ZNF765: variants seen among roughly 807,000 people sequenced by gnomAD.
ZNF765 encodes the protein zinc finger protein 765.
A neutral mutation model predicts 44.7 loss-of-function variants in ZNF765; 37 were observed. The observed-to-expected ratio is 0.83, with a 90% CI of 0.64 to 1.09. The LOEUF (loss-of-function observed/expected upper bound fraction) is 1.09. Ranked by LOEUF, ZNF765 falls within the 50% of genes least tolerant of loss-of-function variation. The pLI, the probability that ZNF765 is intolerant of heterozygous loss-of-function variation, is 0.00. For synonymous variants in ZNF765, 201 were observed against 213.7 expected, an observed-to-expected ratio of 0.94 and a Z score of 0.52; for missense variants, 594 against 626.1, an observed-to-expected ratio of 0.95 and a Z score of 0.55.
chr19:53,396,246 AT>A (rs1568772108), intron 1 of ZNF765, among the ~76,000 whole-genome samples: 1 of 151,402 alleles, frequency 6.6e-6, no homozygotes, highest in African/African-American at 2.4e-5. Flanking sequence ...GAGAGTGGGG[AT>A]GAGGGTATAA....
In ZNF765 at chr19:53,409,350, C is replaced by A; in HGVS notation, c.*223C>A. 2.4e-6 allele frequency: 2 copies of A among 839,366 alleles called. No individual in the cohort carries two copies. Among genetic ancestry groups the A allele is most frequent in the Admixed American group, 1.8e-5 (1 of 55,494 alleles). The allele number at this position is 839,366 out of a possible 1,614,324, so 52.0% of individuals were successfully genotyped here. A position where few individuals can be genotyped will look rare whatever the true frequency, so the allele number is the denominator to read the frequency against. On this transcript the variant is annotated 3_prime_UTR_variant, in exon 4 of 4. Transcript: ENST00000396408. ...ATCTTTTGTGTACCATCATAAACTT[C>A]ATAGTGGAGAGACCTTACAAATGTG...
At chr19:53,404,619 ATGTG>A (rs72178377) in intron 3 of ZNF765, among the ~76,000 whole-genome samples, 2 of 149,758 alleles carry the variant, frequency 1.3e-5, no homozygotes, top group Admixed American at 6.6e-5. Flanking sequence ...CACCTGGCTA[ATGTG>A]TGTGTGTGTG....
chr19:53,407,997 C>G lies in ZNF765; in HGVS notation c.442C>G (p.Leu148Val), dbSNP rs1325187460. 7.4e-6 allele frequency: 12 copies of G among 1,614,058 alleles called. No individual in the cohort carries two copies. The highest frequency in any genetic ancestry group is 1.0e-5 in the Non-Finnish European group (12 of 1,180,040). The change falls in exon 4 of 4, where the codon CTG (leucine) becomes GTG (valine). Residue 148 changes from leucine (L) to valine (V), a missense_variant. Leu to Val is a conservative substitution (Grantham distance 32, BLOSUM62 1). Coordinates refer to ENST00000396408, the MANE Select transcript of ZNF765 (RefSeq NM_001040185.3). Reference protein sequence around the residue: ...YQLGFSFHSHLPELHIFHTEE... With the variant: ...YQLGFSFHSHVPELHIFHTEE... ...GCTTGGATTCAGCTTTCATTCGCATCTGCCTGAACTGCACATATTTCACAC... is the reference window on the plus strand; with the variant it reads ...GCTTGGATTCAGCTTTCATTCGCATGTGCCTGAACTGCACATATTTCACAC...
At chr19:53,404,516 G>A (rs547837160) in intron 3 of ZNF765, among the ~76,000 whole-genome samples, 32 of 151,666 alleles carry the variant, frequency 2.1e-4, no homozygotes, top group African/African-American at 6.5e-4. Flanking sequence ...GCGGTGGTGC[G>A]ATCTTGGCTA....
chr19:53,408,207 A>C lies in ZNF765; in HGVS notation c.652A>C (p.Asn218His). 6.2e-7 allele frequency: 1 copy of C among 1,614,238 alleles called. No individual in the cohort carries two copies. Among genetic ancestry groups the C allele is most frequent in the Non-Finnish European group, 8.5e-7 (1 of 1,180,042 alleles). ...VHMREKSFQC[N>H]DSGKAYNCSS... ...TATGAGGGAAAAATCTTTCCAATGCAATGACAGTGGCAAAGCCTATAATTG... is the reference window on the plus strand; with the variant it reads ...TATGAGGGAAAAATCTTTCCAATGCCATGACAGTGGCAAAGCCTATAATTG... The change falls in exon 4 of 4, where the codon AAT becomes CAT. Residue 218 changes from asparagine (N) to histidine (H), a missense_variant. Asn to His is a moderately conservative substitution (Grantham distance 68). Around this residue, in one of 2 missense-constraint regions of ZNF765, gnomAD observed 567 missense variants for 572.6 expected, o/e 0.99. Transcript: ENST00000396408.
chr19:53,409,647 C>T lies in ZNF765; in HGVS notation c.*520C>T. On this transcript the variant is annotated 3_prime_UTR_variant, in exon 4 of 4. Coordinates refer to ENST00000396408, the MANE Select transcript of ZNF765 (RefSeq NM_001040185.3). ...TAATGAGTGTGGCAAGACCTTTAGT[C>T]AGAACTCATACCTTACACGCCATCG... The T allele has an allele frequency of 7.5e-7, 1 of 1,331,684 alleles. No individual in the cohort carries two copies. Among genetic ancestry groups the T allele is most frequent in the Non-Finnish European group, 1.1e-6 (1 of 926,894 alleles). The allele number at this position is 1,331,684 out of a possible 1,614,324, so 82.5% of individuals were successfully genotyped here.
At chr19:53,424,391 T>C (rs899857031) in exon 4 of ZNF765, 1 of 152,122 alleles carries the variant, frequency 6.6e-6, no homozygotes, top group Non-Finnish European at 1.5e-5. Flanking sequence ...GCAGAATCAC[T>C]TGAATCCAGG....
chr19:53,407,934 G>C lies in ZNF765; in HGVS notation c.379G>C (p.Asp127His). 6.2e-7 allele frequency: 1 copy of C among 1,614,142 alleles called. No individual in the cohort carries two copies. The highest frequency in any genetic ancestry group is 1.1e-5 in the South Asian group (1 of 91,080). Residue 127 changes from aspartate to histidine, a missense_variant, in exon 4 of 4, where the codon GAT (aspartate) becomes CAT (histidine). Around this residue, in one of 2 missense-constraint regions of ZNF765, gnomAD observed 567 missense variants for 572.6 expected, o/e 0.99. Transcript: ENST00000396408. ...GTTGACAGGTAGTACAGAGCGATAT[G>C]ATCAAAATTATGCTGGAAACAAGCC... ...KKLTGSTERY[D>H]QNYAGNKPVK...
At chr19:53,406,618 A>T (rs967731322) in intron 3 of ZNF765, among the ~76,000 whole-genome samples, 1 of 152,202 alleles carries the variant, frequency 6.6e-6, no homozygotes, top group African/African-American at 2.4e-5. Flanking sequence ...TCCACTAGTT[A>T]ATGTCACACA....
downstream of ZNF765, among the ~76,000 whole-genome samples, chr19:53,413,593 T>C (rs1339628140): frequency 9.4e-5 from 10 of 106,020 alleles, no homozygotes; most frequent in Non-Finnish European, 1.7e-4. Context: ...TCTGTATTGC[T>C]TTTTAGGTTT....
Position 53,409,466 on chromosome 19 carries a change from G to C in ZNF765, c.*339G>C. On this transcript the variant is annotated 3_prime_UTR_variant, in exon 4 of 4. Coordinates refer to ENST00000396408, the MANE Select transcript of ZNF765 (RefSeq NM_001040185.3). ...GAGAAACCTTACAGGTGTAATGAGTGTGGCAAGACCTTCAGCCAGACCTCA... is the reference window on the plus strand; with the variant it reads ...GAGAAACCTTACAGGTGTAATGAGTCTGGCAAGACCTTCAGCCAGACCTCA... 1 of 886,268 alleles carries C rather than the reference G, an allele frequency of 1.1e-6. No individual in the cohort carries two copies. Among genetic ancestry groups the C allele is most frequent in the Non-Finnish European group, 1.9e-6 (1 of 520,392 alleles). 54.9% of individuals were successfully genotyped at this position (886,268 alleles called of 1,614,324 possible). A position where few individuals can be genotyped will look rare whatever the true frequency, so the allele number is the denominator to read the frequency against.
At position 53,407,768 on chromosome 19, in the gene ZNF765, A is replaced by C; in HGVS notation, c.213A>C (p.Ala71=). The change falls in exon 4 of 4, where the codon GCA becomes GCC. Residue 71 remains alanine, a synonymous_variant. Transcript: ENST00000396408. ...AAGGCAATAGAGAAGTGTTCCATGC[A>C]GGGACATCTCAAAGACATGAAAGTC... ...TAQGNREVFH[A]GTSQRHESHH... 6.2e-7 allele frequency: 1 copy of C among 1,608,754 alleles called. No individual in the cohort carries two copies. Among genetic ancestry groups the C allele is most frequent in the Non-Finnish European group, 8.5e-7 (1 of 1,177,534 alleles).
chr19:53,398,386 A>G (rs1600046491), intron 2 of ZNF765, among the ~76,000 whole-genome samples: 2 of 152,224 alleles, frequency 1.3e-5, no homozygotes, highest in African/African-American at 4.8e-5. Flanking sequence ...GCAACTGCCA[A>G]TGGAAGTCAT....
At position 53,410,222 on chromosome 19, in the gene ZNF765, A is replaced by G. The variant is rs559063041; in HGVS notation, c.*1095A>G. 1.9e-5 allele frequency: 7 copies of G among 367,724 alleles called. No individual in the cohort carries two copies. The Admixed American group carries it at 2.3e-4, about 12-fold the overall frequency. 22.8% of individuals were successfully genotyped at this position (367,724 alleles called of 1,614,324 possible). On this transcript the variant is annotated 3_prime_UTR_variant, in exon 4 of 4. Coordinates refer to ENST00000396408, the MANE Select transcript of ZNF765 (RefSeq NM_001040185.3). Reference sequence around the variant, plus strand: ...TTAAATCAAAAAGCAAAGCTTGCACATCATCATAGAATTCATACTGGAGAT... The same window carrying G: ...TTAAATCAAAAAGCAAAGCTTGCACGTCATCATAGAATTCATACTGGAGAT...
intron 3 of ZNF765, among the ~76,000 whole-genome samples, chr19:53,403,036 G>T (rs544955590): frequency 6.6e-6 from 1 of 152,164 alleles, no homozygotes; most frequent in African/African-American, 2.4e-5. Context: ...TTAGCCAGGT[G>T]TGGTGGCACG....
chr19:53,420,841 C>A (rs1156489709), intron 3 of ZNF765, among the ~76,000 whole-genome samples: 2 of 152,132 alleles, frequency 1.3e-5, no homozygotes, highest in African/African-American at 4.8e-5. Flanking sequence ...GCCACAGGGA[C>A]CTCTGCCTAG....
rs929008317 is a variant in ZNF765, at chr19:53,411,785, A to T, written c.*2658A>T. ...TTACGTTTATTTCTAAGTATTTCTT[A>T]CTTTAAGTTCTCCAGCCAATGGAAG... On this transcript the variant is annotated 3_prime_UTR_variant, in exon 4 of 4. Transcript: ENST00000396408. The T allele has an allele frequency of 2.0e-5, 3 of 152,262 alleles. No individual in the cohort carries two copies. The highest frequency in any genetic ancestry group is 7.2e-5 in the African/African-American group (3 of 41,448). The allele number at this position is 152,262 out of a possible 1,614,324, so 9.4% of individuals were successfully genotyped here. A position where few individuals can be genotyped will look rare whatever the true frequency, so the allele number is the denominator to read the frequency against.
intron 3 of ZNF765, among the ~76,000 whole-genome samples, chr19:53,404,422 G>A (rs1321212076): frequency 2.0e-5 from 3 of 151,818 alleles, no homozygotes; most frequent in East Asian, 3.9e-4. Context: ...ATATTTGTGG[G>A]TTGGAGATAC....
Position 53,407,824 on chromosome 19 carries a change from T to C in ZNF765, c.269T>C (p.Ile90Thr), listed in dbSNP as rs1160121698. The C allele has an allele frequency of 1.9e-6, 3 of 1,613,552 alleles. No homozygotes were observed. The highest frequency in any genetic ancestry group is 2.7e-5 in the African/African-American group (2 of 74,882). Reference sequence around the variant, plus strand: ...AATGGAGATTTTTGTTTCCAGGATATTGATAAAGATATTCATGACATTGAG... The same window carrying C: ...AATGGAGATTTTTGTTTCCAGGATACTGATAAAGATATTCATGACATTGAG... ...HHNGDFCFQD[I>T]DKDIHDIEFQ... The change falls in exon 4 of 4, where the codon ATT (isoleucine) becomes ACT (threonine). Residue 90 changes from isoleucine to threonine, a missense_variant. Around this residue, in one of 2 missense-constraint regions of ZNF765, gnomAD observed 567 missense variants for 572.6 expected, o/e 0.99. Transcript: ENST00000396408.
Sources: gnomAD v4.1 joint callset for allele counts (sites outside exome capture counted in the v4.1 genomes callset) on GRCh38, gnomAD v4.1.1 for gene constraint, gnomAD v4.1.1 regional missense constraint, MANE v1.5 for transcripts, NCBI Gene and HGNC (gene_info 2026-07-23, HGNC 2026-07-21) for gene names.